ABCC4: variants seen among roughly 807,000 people sequenced by gnomAD.
The protein encoded by ABCC4 is ATP binding cassette subfamily C member 4 (PEL blood group).
A neutral mutation model predicts 168.5 loss-of-function variants in ABCC4; 102 were observed. That is an observed-to-expected ratio of 0.61 (90% confidence interval 0.52 to 0.71). ABCC4 has a LOEUF of 0.71. Ranked by LOEUF, ABCC4 falls within the 30% of genes least tolerant of loss-of-function variation. The pLI, the probability that ABCC4 is intolerant of heterozygous loss-of-function variation, is 0.00. For synonymous variants in ABCC4, 617 were observed against 590.7 expected, an observed-to-expected ratio of 1.04 and a Z score of -0.65; for missense variants, 1,402 against 1,605.8, an observed-to-expected ratio of 0.87 and a Z score of 2.17.
intron 20 of ABCC4, among the ~76,000 whole-genome samples, chr13:95,086,547 T>C (rs1238144081): frequency 1.3e-5 from 2 of 152,258 alleles, no homozygotes; most frequent in African/African-American, 2.4e-5. Context: ...CAATGCCTGT[T>C]TGGCATTTAA....
chr13:95,215,468 AAATGGT>A (rs1187369696), intron 4 of ABCC4, among the ~76,000 whole-genome samples: 3 of 152,228 alleles, frequency 2.0e-5, no homozygotes, highest in Non-Finnish European at 4.4e-5. Context: ...CTTAGAGCAA[AAATGGT>A]AATGGTGCAT....
At chr13:95,135,580 T>C (rs971758391) in intron 19 of ABCC4, among the ~76,000 whole-genome samples, 1 of 151,998 alleles carries the variant, frequency 6.6e-6, no homozygotes, top group African/African-American at 2.4e-5. Flanking sequence ...GCCCAGCTAA[T>C]TTTTGTATTT....
chr13:95,037,084 C>CAAAAAAAAA (rs57294033), intron 29 of ABCC4, among the ~76,000 whole-genome samples: 1 of 105,890 alleles, frequency 9.4e-6, no homozygotes, highest in Non-Finnish European at 1.8e-5. Context: ...ACTCTGTGTC[C>CAAAAAAAAA]AAAAAAAAAA....
At chr13:95,276,535 C>T (rs1028963227) in intron 1 of ABCC4, among the ~76,000 whole-genome samples, 1 of 147,352 alleles carries the variant, frequency 6.8e-6, no homozygotes, top group African/African-American at 2.5e-5. Context: ...AAAGAAAAAA[C>T]CAATTGATAA....
chr13:95,058,594 A>AAAG (rs1555306058), intron 26 of ABCC4, among the ~76,000 whole-genome samples: 2,481 of 40,616 alleles, frequency 0.061, 88 homozygotes, highest in African/African-American at 0.08. Flanking sequence ...AAAAAAAAAG[A>AAAG]AAAGAAAAAG....
Position 95,177,791 on chromosome 13 carries a change from G to T in ABCC4, c.1643C>A (p.Ala548Glu). The change falls in exon 13 of 31, where the codon GCA becomes GAA. Residue 548 changes from alanine (A) to glutamate (E), a missense_variant and splice_region_variant. This residue lies in a region of ABCC4 where 1,007 missense variants were observed against 1,127.3 expected (regional missense o/e 0.89). Coordinates refer to ENST00000645237, the MANE Select transcript of ABCC4 (RefSeq NM_005845.5). Reference sequence around the variant, plus strand: ...ATAGATGTCAGCATCTTGATACACTGCTCTAGAAAATACAAAGAGGTATCA... The same window carrying T: ...ATAGATGTCAGCATCTTGATACACTTCTCTAGAAAATACAAAGAGGTATCA... Reference protein sequence around the residue: ...GQKARVNLARAVYQDADIYLL... With the variant: ...GQKARVNLAREVYQDADIYLL... 1 of 1,607,590 alleles carries T rather than the reference G, an allele frequency of 6.2e-7. No individual in the cohort carries two copies. Among genetic ancestry groups the T allele is most frequent in the South Asian group, 1.1e-5 (1 of 90,802 alleles).
intron 27 of ABCC4, among the ~76,000 whole-genome samples, chr13:95,047,476 C>CTTT (rs71111586): frequency 0.018 from 1,498 of 83,192 alleles, 64 homozygotes; most frequent in Middle Eastern, 0.033. Context: ...ACTGCCTATT[C>CTTT]TTTTTTTTTT....
chr13:95,261,210 G>A (rs2138851071), intron 1 of ABCC4, among the ~76,000 whole-genome samples: 1 of 152,166 alleles, frequency 6.6e-6, no homozygotes, highest in Non-Finnish European at 1.5e-5. Flanking sequence ...CACTTTGGGA[G>A]GCCGAGGTGG....
intron 13 of ABCC4, 128 bp downstream of exon 13, chr13:95,177,579 G>A (rs1594241027): frequency 3.1e-6 from 2 of 654,270 alleles, no homozygotes; most frequent in Non-Finnish European, 5.1e-6. Flanking sequence ...CTTCAGGGAA[G>A]CAGGGGACAG....
chr13:95,222,515 G>C (rs9524842), intron 4 of ABCC4, among the ~76,000 whole-genome samples: 27,088 of 152,164 alleles, frequency 0.18, 3,281 homozygotes, highest in Non-Finnish European at 0.27. Flanking sequence ...AGAAGGGAAG[G>C]GCCCCAGAAG....
chr13:95,025,284 C>G (rs2031416373), intron 30 of ABCC4, among the ~76,000 whole-genome samples: 1 of 64,842 alleles, frequency 1.5e-5, no homozygotes, highest in Non-Finnish European at 2.9e-5. Flanking sequence ...CACACACACC[C>G]CCACACACAC....
Position 95,194,830 on chromosome 13 carries a change from T to C in ABCC4, c.1263+6A>G, listed in dbSNP as rs2038364688. On this transcript the variant is annotated splice_donor_region_variant and intron_variant, in intron 9 of 30. Coordinates refer to ENST00000645237, the MANE Select transcript of ABCC4 (RefSeq NM_005845.5). ...CAGTCATGATCTTGCATTAAGGATA[T>C]GTTACCTTATCCCAAAAAGCAGTAA... The C allele has an allele frequency of 1.2e-6, 2 of 1,606,542 alleles. No individual in the cohort carries two copies. Among genetic ancestry groups the C allele is most frequent in the African/African-American group, 1.3e-5 (1 of 74,814 alleles).
chr13:95,141,347 C>T (rs2036310388), intron 19 of ABCC4, among the ~76,000 whole-genome samples: 1 of 152,172 alleles, frequency 6.6e-6, no homozygotes, highest in Non-Finnish European at 1.5e-5. Context: ...CTTTGTTTCT[C>T]TTTTTGTCTA....
At chr13:95,055,882 A>AAACAACAGC (rs1376325040) in intron 26 of ABCC4, 1 of 149,412 alleles carries the variant, frequency 6.7e-6, no homozygotes, top group African/African-American at 2.5e-5. Context: ...GACTGTCTCA[A>AAACAACAGC]AACAACAGCA....
At chr13:95,255,404 G>C (rs990745433) in intron 1 of ABCC4, among the ~76,000 whole-genome samples, 1 of 152,166 alleles carries the variant, frequency 6.6e-6, no homozygotes, top group Non-Finnish European at 1.5e-5. Context: ...GTCCAAAATA[G>C]CCATTCTCCA....
intron 22 of ABCC4, 36 bp downstream of exon 22, chr13:95,075,396 C>T: frequency 6.2e-7 from 1 of 1,613,324 alleles, no homozygotes; most frequent in Non-Finnish European, 8.5e-7. Context: ...AGCAGCAGAT[C>T]CTGTCCTTTG....
chr13:95,288,909 T>G (rs1199164729), intron 1 of ABCC4, among the ~76,000 whole-genome samples: 1 of 152,338 alleles, frequency 6.6e-6, no homozygotes, highest in African/African-American at 2.4e-5. Context: ...TTGAACAAAT[T>G]GTGTCGCTTA....
At chr13:95,212,651 G>A (rs1252096670) in intron 4 of ABCC4, among the ~76,000 whole-genome samples, 1 of 152,160 alleles carries the variant, frequency 6.6e-6, no homozygotes, top group African/African-American at 2.4e-5. Flanking sequence ...TGTAAGTCGT[G>A]TATTACTGTG....
At chr13:95,031,351 A>G (rs1458148875) in intron 30 of ABCC4, among the ~76,000 whole-genome samples, 1 of 152,218 alleles carries the variant, frequency 6.6e-6, no homozygotes, top group Non-Finnish European at 1.5e-5. Flanking sequence ...CATCTTGGAT[A>G]CCAAATGAGA....
Sources: gnomAD v4.1 joint callset for allele counts (sites outside exome capture counted in the v4.1 genomes callset) on GRCh38, gnomAD v4.1.1 for gene constraint, gnomAD v4.1.1 regional missense constraint, MANE v1.5 for transcripts, NCBI Gene and HGNC (gene_info 2026-07-23, HGNC 2026-07-21) for gene names.